The following AOPEP variants were observed in gnomAD, a reference collection of about 807,000 sequenced individuals.
The protein encoded by AOPEP is aminopeptidase O (putative), also known as aminopeptidase O.
AOPEP carries 77 observed loss-of-function variants against 98.1 expected under a neutral mutation model. The ratio of observed to expected loss-of-function variants is 0.78; its 90% CI spans 0.65 to 0.95. AOPEP has a LOEUF of 0.95. Ranked by LOEUF, AOPEP falls within the 40% of genes least tolerant of loss-of-function variation. The probability of loss-of-function intolerance (pLI) is 0.00; values close to 1 mark genes in which losing one functional copy is unlikely to be tolerated. For synonymous variants in AOPEP, 346 were observed against 365.3 expected, an observed-to-expected ratio of 0.95 and a Z score of 0.60; for missense variants, 1,024 against 1,024.7, an observed-to-expected ratio of 1.00 and a Z score of 0.01.
In AOPEP at chr9:94,863,998, T is replaced by C. The variant is rs1021676198; in HGVS notation, c.1365-59988T>C. Among the ~76,000 whole-genome samples the C allele has an allele frequency of 2.6e-5, 4 of 152,272 alleles. 1 individual carries two copies. The highest frequency in any genetic ancestry group is 9.6e-5 in the African/African-American group (4 of 41,554). ...AGATAGCCATGTATTCAGTGGAAACTTGGGGGTACTGAGGAAGAAGGGGGA... is the reference window on the plus strand; with the variant it reads ...AGATAGCCATGTATTCAGTGGAAACCTGGGGGTACTGAGGAAGAAGGGGGA... On this transcript the variant is annotated intron_variant, in intron 5 of 16. Transcript: ENST00000375315.
chr9:95,042,287 G>A (rs1297564920), intron 13 of AOPEP, among the ~76,000 whole-genome samples: 6 of 148,036 alleles, frequency 4.1e-5, no homozygotes, highest in African/African-American at 1.2e-4. Flanking sequence ...ACTCCAGCCT[G>A]GGCAACGGAG....
chr9:94,757,073 C>G lies in AOPEP; in HGVS notation c.-135-2576C>G, dbSNP rs535076905. On this transcript the variant is annotated intron_variant, in intron 1 of 16. Coordinates refer to ENST00000375315, the MANE Select transcript of AOPEP (RefSeq NM_001193329.3). ...AGAGGAATGTGCTGTTTACTTGGCT[C>G]TCTCAAAACCCCAGAAGTTGGGATT... Among the ~76,000 whole-genome samples the G allele has an allele frequency of 7.6e-4, 116 of 152,290 alleles. 2 individuals carry two copies. In the South Asian group the frequency reaches 0.023, roughly 30 times the overall value.
At chr9:95,082,862 A>G (rs1339024269) in intron 16 of AOPEP, 143 bp downstream of exon 16, 14 of 937,280 alleles carry the variant, frequency 1.5e-5, no homozygotes, top group Non-Finnish European at 1.9e-5. Context: ...CTGGAGAGTA[A>G]CTGGCCAAGT....
intron 5 of AOPEP, among the ~76,000 whole-genome samples, chr9:94,847,706 G>A (rs1288190231): frequency 6.6e-6 from 1 of 152,092 alleles, no homozygotes; most frequent in Non-Finnish European, 1.5e-5. Context: ...AGATATGAGT[G>A]GGAGAAAATG....
At chr9:95,033,611 G>A (rs537800898) in intron 13 of AOPEP, among the ~76,000 whole-genome samples, 4 of 152,278 alleles carry the variant, frequency 2.6e-5, no homozygotes, top group African/African-American at 4.8e-5. Context: ...AAATGAAGTA[G>A]TAGGTTAATT....
intron 13 of AOPEP, among the ~76,000 whole-genome samples, chr9:95,040,733 C>T (rs557385186): frequency 2.0e-4 from 30 of 152,310 alleles, no homozygotes; most frequent in Admixed American, 1.5e-3. Context: ...CATGACAGAG[C>T]GACACCCAGC....
chr9:94,737,435 C>T (rs999711643), intron 1 of AOPEP, among the ~76,000 whole-genome samples: 4 of 152,128 alleles, frequency 2.6e-5, no homozygotes, highest in African/African-American at 9.7e-5. Flanking sequence ...ATGTACCTTT[C>T]CACTATCTTT....
chr9:95,101,440 C>T, the AOPEP span: 46 of 525,052 alleles, frequency 8.8e-5, no homozygotes, highest in Admixed American at 6.3e-5. Flanking sequence ...AATTATCAAG[C>T]TGACGGTCTG....
chr9:94,853,839 T>C (rs966572438), intron 5 of AOPEP, among the ~76,000 whole-genome samples: 1 of 152,276 alleles, frequency 6.6e-6, no homozygotes, highest in South Asian at 2.1e-4. Flanking sequence ...CAGACAGATA[T>C]TGTATAATAT....
the AOPEP span, among the ~76,000 whole-genome samples, chr9:95,128,350 G>A: frequency 2.6e-5 from 4 of 152,218 alleles, no homozygotes; most frequent in Non-Finnish European, 4.4e-5. Flanking sequence ...AGATCAAATA[G>A]CACTGTTATG....
intron 5 of AOPEP, among the ~76,000 whole-genome samples, chr9:94,895,011 A>G (rs2049304069): frequency 6.6e-6 from 1 of 152,010 alleles, no homozygotes; most frequent in Admixed American, 6.6e-5. Context: ...AATAGGACGA[A>G]GTGATATTTC....
the AOPEP span, among the ~76,000 whole-genome samples, chr9:95,136,359 G>A: frequency 1.3e-5 from 2 of 151,940 alleles, no homozygotes; most frequent in Non-Finnish European, 2.9e-5. Flanking sequence ...CTCCAACCTG[G>A]GCAAAAGAGC....
At chr9:95,048,191 C>T (rs1417662257) in intron 13 of AOPEP, among the ~76,000 whole-genome samples, 3 of 151,932 alleles carry the variant, frequency 2.0e-5, no homozygotes, top group Non-Finnish European at 4.4e-5. Flanking sequence ...TACTAATATC[C>T]TTGTGAAATG....
At chr9:94,963,191 C>T (rs1270297226) in intron 9 of AOPEP, among the ~76,000 whole-genome samples, 2 of 152,158 alleles carry the variant, frequency 1.3e-5, no homozygotes, top group Non-Finnish European at 2.9e-5. Flanking sequence ...ACCTCCCACC[C>T]CTTCCCCATG....
intron 14 of AOPEP, among the ~76,000 whole-genome samples, chr9:95,071,750 A>T (rs1230244804): frequency 2.6e-5 from 4 of 152,044 alleles, no homozygotes; most frequent in Non-Finnish European, 5.9e-5. Context: ...CTTGTGAATG[A>T]TGTTTATTTT....
At chr9:94,965,373 A>G (rs1171078822) in intron 9 of AOPEP, among the ~76,000 whole-genome samples, 4 of 152,262 alleles carry the variant, frequency 2.6e-5, no homozygotes, top group Non-Finnish European at 4.4e-5. Context: ...ATTACAAGAA[A>G]TAAATATTTC....
At chr9:95,086,515 G>A (rs181070039) in intron 16 of AOPEP, 167 bp from the exon 17 acceptor site, 10 of 985,380 alleles carry the variant, frequency 1.0e-5, no homozygotes, top group Admixed American at 1.2e-4. Flanking sequence ...AGCGTCACAC[G>A]GCTCGCTGTG....
chr9:94,751,985 C>T (rs920948947), intron 1 of AOPEP, among the ~76,000 whole-genome samples: 2 of 150,060 alleles, frequency 1.3e-5, no homozygotes, highest in Admixed American at 6.7e-5. Context: ...CTTGGCCTCT[C>T]AGGCTCAAGC....
At chr9:94,869,934 C>T (rs7025527) in intron 5 of AOPEP, among the ~76,000 whole-genome samples, 5,051 of 147,828 alleles carry the variant, frequency 0.034, 234 homozygotes, top group African/African-American at 0.1. Context: ...TTGGGCACTT[C>T]GTCCTCAGGC....
Sources: gnomAD v4.1 joint callset for allele counts (sites outside exome capture counted in the v4.1 genomes callset) on GRCh38, gnomAD v4.1.1 for gene constraint, MANE v1.5 for transcripts, NCBI Gene and HGNC (gene_info 2026-07-23, HGNC 2026-07-21) for gene names.